Variants in ITFG1 observed in about 807,000 individuals in gnomAD.
ITFG1 encodes the protein integrin alpha FG-GAP repeat containing 1.
A neutral mutation model predicts 81.8 loss-of-function variants in ITFG1; 34 were observed. That is an observed-to-expected ratio of 0.42 (90% CI 0.32 to 0.55). ITFG1 has a LOEUF of 0.55. ITFG1 is among the 20% of genes least tolerant of loss of function. ITFG1 has a pLI of 0.17. For missense variants in ITFG1, 672 were observed against 755.4 expected (o/e 0.89, Z 1.29); for synonymous variants, 285 against 270.6 (o/e 1.05, Z -0.52).
chr16:47,330,128 G>T (rs1445960583), intron 8 of ITFG1, among the ~76,000 whole-genome samples: 1 of 151,962 alleles, frequency 6.6e-6, no homozygotes, highest in Non-Finnish European at 1.5e-5. Flanking sequence ...AGAGAGCCCA[G>T]AAATAAAGCT....
intron 14 of ITFG1, among the ~76,000 whole-genome samples, chr16:47,182,189 A>C (rs1007375463): frequency 2.0e-5 from 3 of 152,074 alleles, no homozygotes; most frequent in African/African-American, 7.2e-5. Flanking sequence ...TAAAAAAAAA[A>C]AAAACAAAAA....
intron 3 of ITFG1, among the ~76,000 whole-genome samples, chr16:47,453,550 A>G (rs1280680730): frequency 6.6e-6 from 1 of 152,196 alleles, no homozygotes; most frequent in Non-Finnish European, 1.5e-5. Context: ...TGCTATTTCT[A>G]TCTGTGTCTG....
intron 10 of ITFG1, among the ~76,000 whole-genome samples, chr16:47,302,186 G>A (rs1450690342): frequency 1.3e-5 from 2 of 152,124 alleles, no homozygotes; most frequent in African/African-American, 4.8e-5. Flanking sequence ...CTGCTCTCAA[G>A]GAACTTGTAT....
intron 14 of ITFG1, among the ~76,000 whole-genome samples, chr16:47,181,488 T>A (rs1965118829): frequency 8.1e-6 from 1 of 124,014 alleles, no homozygotes; most frequent in Non-Finnish European, 1.7e-5. Context: ...AGCCGCCCCG[T>A]CCGGGAGGGA....
chr16:47,193,221 A>AT (rs1329375114), intron 14 of ITFG1, among the ~76,000 whole-genome samples: 111 of 145,550 alleles, frequency 7.6e-4, no homozygotes, highest in East Asian at 1.0e-3. Context: ...TATTAAAAAA[A>AT]TTTTTTTTTT....
chr16:47,247,383 T>C (rs1285363816), intron 12 of ITFG1, among the ~76,000 whole-genome samples: 5 of 152,234 alleles, frequency 3.3e-5, no homozygotes, highest in Non-Finnish European at 7.3e-5. Context: ...AAGTTTTATA[T>C]GTATGTTAGT....
chr16:47,277,726 T>C (rs1044472632), intron 10 of ITFG1, among the ~76,000 whole-genome samples: 1 of 152,226 alleles, frequency 6.6e-6, no homozygotes, highest in African/African-American at 2.4e-5. Context: ...TGTGCTTTAG[T>C]GTAAACTACA....
intron 13 of ITFG1, among the ~76,000 whole-genome samples, chr16:47,230,221 G>A (rs1424948348): frequency 6.6e-6 from 1 of 152,164 alleles, no homozygotes; most frequent in Non-Finnish European, 1.5e-5. Flanking sequence ...AGGCAGAAGA[G>A]AAGTTCATAA....
intron 8 of ITFG1, among the ~76,000 whole-genome samples, chr16:47,324,764 A>T (rs1373254364): frequency 2.0e-5 from 3 of 152,350 alleles, no homozygotes; most frequent in Non-Finnish European, 4.4e-5. Context: ...TAAAGGGATC[A>T]ATTCAACAAG....
At position 47,461,025 on chromosome 16, in the gene ITFG1, G is replaced by A. The variant is rs1187031380; in HGVS notation, c.21C>T (p.Leu7=). 9 of 1,543,088 alleles carry A rather than the reference G, an allele frequency of 5.8e-6. No individual in the cohort carries two copies. The highest frequency in any genetic ancestry group is 7.9e-6 in the Non-Finnish European group (9 of 1,146,306). The part of the protein sequence containing the change: MAAAGR[L]PSSWALFSPL... ...GCGAGAAGAGGGCCCAGGAGCTCGG[G>A]AGCCGGCCCGCCGCCGCCATGGCAG... The change falls in exon 1 of 18, where the codon CTC becomes CTT. Residue 7 remains leucine, a synonymous_variant. Coordinates refer to ENST00000320640, the MANE Select transcript of ITFG1 (RefSeq NM_030790.5).
intron 12 of ITFG1, among the ~76,000 whole-genome samples, chr16:47,244,600 T>C (rs1395057116): frequency 4.9e-3 from 19 of 3,876 alleles, no homozygotes; most frequent in African/African-American, 9.3e-3. Context: ...TTTGTGTGTG[T>C]GTGTGTGTGT....
At chr16:47,455,777 CA>C (rs1325999369) in intron 2 of ITFG1, among the ~76,000 whole-genome samples, 1,217 of 46,276 alleles carry the variant, frequency 0.026, 6 homozygotes, top group African/African-American at 0.084. Flanking sequence ...CATCCCCCAC[CA>C]AAAAAAAAAA....
chr16:47,250,251 C>A (rs1966054961), intron 12 of ITFG1, among the ~76,000 whole-genome samples: 1 of 151,950 alleles, frequency 6.6e-6, no homozygotes, highest in African/African-American at 2.4e-5. Flanking sequence ...ATTGTAAAAT[C>A]ATATGCTCTT....
intron 16 of ITFG1, among the ~76,000 whole-genome samples, chr16:47,160,794 G>A (rs1158563943): frequency 1.3e-5 from 2 of 152,132 alleles, no homozygotes; most frequent in Non-Finnish European, 2.9e-5. Context: ...CAATTTTCAT[G>A]GAGTAGATTC....
At chr16:47,162,474 T>C in intron 15 of ITFG1, 66 bp downstream of exon 15, 1 of 1,249,902 alleles carries the variant, frequency 8.0e-7, no homozygotes, top group East Asian at 2.7e-5. Context: ...AATTATTTAA[T>C]TTAAATACTT....
intron 7 of ITFG1, among the ~76,000 whole-genome samples, chr16:47,368,338 G>A (rs1968204990): frequency 6.6e-6 from 1 of 151,310 alleles, no homozygotes; most frequent in South Asian, 2.1e-4. Flanking sequence ...GATCACTTGA[G>A]GTTAGGAGAT....
intron 8 of ITFG1, among the ~76,000 whole-genome samples, chr16:47,363,063 A>AT (rs1202579945): frequency 1.3e-5 from 2 of 151,668 alleles, no homozygotes; most frequent in Non-Finnish European, 2.9e-5. Flanking sequence ...CGTCCAGCTA[A>AT]TTTTTTTGTA....
intron 10 of ITFG1, among the ~76,000 whole-genome samples, chr16:47,274,342 G>T (rs562666392): frequency 6.6e-6 from 1 of 152,142 alleles, no homozygotes; most frequent in South Asian, 2.1e-4. Flanking sequence ...TAACAGAATT[G>T]CCCACCTTAA....
intron 8 of ITFG1, among the ~76,000 whole-genome samples, chr16:47,351,677 C>A (rs1235982434): frequency 6.6e-6 from 1 of 152,176 alleles, no homozygotes; most frequent in Non-Finnish European, 1.5e-5. Context: ...CATCAAGCTA[C>A]CAGTGACTTT....
Sources: gnomAD v4.1 joint callset for allele counts (sites outside exome capture counted in the v4.1 genomes callset) on GRCh38, gnomAD v4.1.1 for gene constraint, MANE v1.5 for transcripts, NCBI Gene and HGNC (gene_info 2026-07-23, HGNC 2026-07-21) for gene names.